CDH12: variants seen among roughly 807,000 people sequenced by gnomAD.
CDH12 encodes the protein cadherin-12.
In CDH12, 41 loss-of-function variants were observed where a neutral mutation model predicts 74.1. The observed-to-expected ratio is 0.55, with a 90% CI of 0.43 to 0.72. The LOEUF (loss-of-function observed/expected upper bound fraction) is 0.72. CDH12 is among the 30% of genes least tolerant of loss of function. CDH12 has a pLI of 0.00. For missense variants in CDH12, 945 were observed against 977.2 expected (o/e 0.97, Z 0.44); for synonymous variants, 399 against 355.0 (o/e 1.12, Z -1.39).
chr5:22,262,367 T>G (rs889225408), intron 3 of CDH12, among the ~76,000 whole-genome samples: 11 of 150,110 alleles, frequency 7.3e-5, no homozygotes, highest in African/African-American at 2.7e-4. Context: ...GAATATGAGG[T>G]GTTTGGTTTT....
chr5:21,811,709 C>CTTT lies in CDH12; in HGVS notation c.1002+5233_1002+5235dup, dbSNP rs371359584. 3.5e-3 allele frequency among the ~76,000 whole-genome samples: 481 copies of CTTT among 139,116 alleles called. 37 individuals carry two copies. Among genetic ancestry groups the CTTT allele is most frequent in the Middle Eastern group, 0.023 (6 of 266 alleles). 91.3% of individuals were successfully genotyped at this position (139,116 alleles called of 152,430 possible). On this transcript the variant is annotated intron_variant, in intron 9 of 14. Coordinates refer to ENST00000382254, the MANE Select transcript of CDH12 (RefSeq NM_004061.5). ...AACACCCAACACCATATAGGACAAGCTTTTTTTTTTTTTTACAGTTTTCTC... is the reference window on the plus strand; with the variant it reads ...AACACCCAACACCATATAGGACAAGCTTTTTTTTTTTTTTTTTACAGTTTTCTC...
At chr5:22,299,309 G>C (rs113613621) in intron 3 of CDH12, among the ~76,000 whole-genome samples, 1,787 of 152,192 alleles carry the variant, frequency 0.012, 22 homozygotes, top group Non-Finnish European at 0.019. Flanking sequence ...GCCATGTAGT[G>C]CCCTGGAAAG....
chr5:22,544,921 C>G (rs1487539058), intron 1 of CDH12, among the ~76,000 whole-genome samples: 1 of 151,232 alleles, frequency 6.6e-6, no homozygotes, highest in Non-Finnish European at 1.5e-5. Flanking sequence ...AGGTGACGTT[C>G]TTTTTTAAAT....
intron 1 of CDH12, among the ~76,000 whole-genome samples, chr5:22,834,658 C>T (rs1224404018): frequency 6.6e-6 from 1 of 152,076 alleles, no homozygotes; most frequent in African/African-American, 2.4e-5. Flanking sequence ...TAATTTATTA[C>T]TAATATTAAG....
intron 3 of CDH12, among the ~76,000 whole-genome samples, chr5:22,234,621 ACT>A (rs58696529): frequency 0.33 from 49,210 of 147,936 alleles, 9,644 homozygotes; most frequent in Admixed American, 0.45. Flanking sequence ...GCACTAATAC[ACT>A]GCCTTAGAGC....
At chr5:21,845,944 G>A (rs923706171) in intron 7 of CDH12, among the ~76,000 whole-genome samples, 2 of 152,122 alleles carry the variant, frequency 1.3e-5, no homozygotes, top group African/African-American at 2.4e-5. Context: ...CAAGCTGGAA[G>A]CTTGCTCGGG....
intron 3 of CDH12, among the ~76,000 whole-genome samples, chr5:22,237,161 A>G (rs1227223243): frequency 9.2e-5 from 14 of 152,104 alleles, no homozygotes; most frequent in Non-Finnish European, 2.9e-5. Flanking sequence ...CAGGTGAGTC[A>G]TGTGCACACT....
At chr5:22,644,278 A>T (rs1580846266) in intron 1 of CDH12, among the ~76,000 whole-genome samples, 1 of 152,138 alleles carries the variant, frequency 6.6e-6, no homozygotes, top group African/African-American at 2.4e-5. Context: ...AAAGTTGTGA[A>T]TGCAAAAGAA....
intron 1 of CDH12, among the ~76,000 whole-genome samples, chr5:22,671,636 G>T (rs1740903419): frequency 6.6e-6 from 1 of 151,992 alleles, no homozygotes; most frequent in Admixed American, 6.6e-5. Context: ...GGAACCACTT[G>T]GACAGAAGAA....
At chr5:21,867,251 A>G (rs1169438738) in intron 6 of CDH12, among the ~76,000 whole-genome samples, 2 of 152,164 alleles carry the variant, frequency 1.3e-5, no homozygotes, top group African/African-American at 4.8e-5. Context: ...GCTACTCAGG[A>G]GTCTGAGGCA....
At chr5:22,412,140 C>T (rs556600816) in intron 2 of CDH12, among the ~76,000 whole-genome samples, 1 of 152,016 alleles carries the variant, frequency 6.6e-6, no homozygotes, top group African/African-American at 2.4e-5. Flanking sequence ...AGTATTCATG[C>T]CATCACTGTC....
chr5:21,791,981 C>T (rs1375170360), intron 10 of CDH12, among the ~76,000 whole-genome samples: 2 of 151,818 alleles, frequency 1.3e-5, no homozygotes, highest in Non-Finnish European at 2.9e-5. Context: ...AGTACTACAC[C>T]TCATTGTTTA....
At chr5:22,015,592 T>C (rs1737554660) in intron 5 of CDH12, among the ~76,000 whole-genome samples, 1 of 152,156 alleles carries the variant, frequency 6.6e-6, no homozygotes, top group Admixed American at 6.5e-5. Context: ...CCCATGTTCA[T>C]CATGTCCTTT....
intron 1 of CDH12, among the ~76,000 whole-genome samples, chr5:22,812,430 C>G (rs1019854896): frequency 6.6e-5 from 10 of 152,200 alleles, no homozygotes; most frequent in African/African-American, 2.4e-4. Flanking sequence ...ACACAAATTC[C>G]AAGGTGAGAC....
At chr5:21,908,890 C>T (rs1753749976) in intron 6 of CDH12, among the ~76,000 whole-genome samples, 1 of 152,100 alleles carries the variant, frequency 6.6e-6, no homozygotes, top group Non-Finnish European at 1.5e-5. Flanking sequence ...TCTTCCCCAA[C>T]TTGATAGCAG....
chr5:21,953,367 A>T, intron 6 of CDH12, among the ~76,000 whole-genome samples: 1 of 152,166 alleles, frequency 6.6e-6, no homozygotes, highest in South Asian at 2.1e-4. Context: ...TATAAAAACA[A>T]ACTGTAACCC....
chr5:22,538,674 A>AT (rs1213780384), intron 1 of CDH12, among the ~76,000 whole-genome samples: 16 of 152,132 alleles, frequency 1.1e-4, no homozygotes, highest in Non-Finnish European at 2.4e-4. Flanking sequence ...AAATACCAGT[A>AT]TTTTTTATTT....
chr5:21,842,383 G>A, intron 7 of CDH12, 55 bp from the exon 8 acceptor site: 2 of 1,241,912 alleles, frequency 1.6e-6, no homozygotes, highest in Non-Finnish European at 2.3e-6. Context: ...TCTGTTTTCT[G>A]AAATAAAATA....
intron 3 of CDH12, among the ~76,000 whole-genome samples, chr5:22,293,226 G>A (rs1737477138): frequency 1.3e-5 from 2 of 152,126 alleles, no homozygotes; most frequent in South Asian, 2.1e-4. Context: ...CAGCCAACGG[G>A]GACCGGACAC....
Sources: gnomAD v4.1 joint callset for allele counts (sites outside exome capture counted in the v4.1 genomes callset) on GRCh38, gnomAD v4.1.1 for gene constraint, MANE v1.5 for transcripts, NCBI Gene and HGNC (gene_info 2026-07-23, HGNC 2026-07-21) for gene names.